PTGIS: variants seen among roughly 807,000 people sequenced by gnomAD.
PTGIS encodes the protein prostacyclin synthase.
PTGIS carries 45 observed loss-of-function variants against 50.3 expected under a neutral mutation model. The observed-to-expected ratio is 0.90, with a 90% CI of 0.70 to 1.15. The LOEUF (loss-of-function observed/expected upper bound fraction) is 1.15, where lower values mean the gene tolerates loss of function less well. Among genes scored for constraint, PTGIS ranks in the 50% most tolerant of loss-of-function variants. The pLI is 0.00. For missense variants in PTGIS, 668 were observed against 661.3 expected, an observed-to-expected ratio of 1.01 and a Z score of -0.11; for synonymous variants, 260 against 267.7, an observed-to-expected ratio of 0.97 and a Z score of 0.28.
chr20:49,562,240 T>C (rs573179844), intron 1 of PTGIS, among the ~76,000 whole-genome samples: 2 of 152,314 alleles, frequency 1.3e-5, no homozygotes, highest in East Asian at 3.9e-4. Context: ...CCTACTCAAA[T>C]GCAGGCCCTG....
intron 1 of PTGIS, among the ~76,000 whole-genome samples, chr20:49,561,048 C>T (rs951864954): frequency 2.0e-5 from 3 of 152,132 alleles, no homozygotes; most frequent in Non-Finnish European, 4.4e-5. Flanking sequence ...CCATGGTCCC[C>T]GGGGAGCCAG....
intron 6 of PTGIS, among the ~76,000 whole-genome samples, chr20:49,519,297 G>A (rs1023047999): frequency 6.6e-6 from 1 of 152,128 alleles, no homozygotes; most frequent in African/African-American, 2.4e-5. Flanking sequence ...GGAAGCTGTT[G>A]TGAGGATCCT....
intron 1 of PTGIS, among the ~76,000 whole-genome samples, chr20:49,562,402 G>T (rs1982798733): frequency 6.6e-6 from 1 of 152,136 alleles, no homozygotes; most frequent in Non-Finnish European, 1.5e-5. Flanking sequence ...GCAGACAAAG[G>T]CAGGAAGCCC....
At chr20:49,541,613 C>T (rs892273822) in intron 4 of PTGIS, among the ~76,000 whole-genome samples, 1 of 152,086 alleles carries the variant, frequency 6.6e-6, no homozygotes, top group Non-Finnish European at 1.5e-5. Flanking sequence ...CACCTGTAGT[C>T]CCAGCTACTC....
rs186654308 is a variant in PTGIS, at chr20:49,561,302, C to A, written c.74+6741G>T. Among the ~76,000 whole-genome samples the A allele has an allele frequency of 7.2e-5, 11 of 152,266 alleles. No individual in the cohort carries two copies. The East Asian group carries it at 1.5e-3, about 21-fold the overall frequency. On this transcript the variant is annotated intron_variant, in intron 1 of 9. Transcript: ENST00000244043. The stretch of plus-strand genomic sequence containing the variant: ...AGGCTGGGAAGGATGGGAGCAGAAG[C>A]AAAGATGAAATTTGAGGGCCTAGGA...
Position 49,532,292 on chromosome 20 carries a change from T to C in PTGIS, c.673+7278A>G, listed in dbSNP as rs17194464. On this transcript the variant is annotated intron_variant, in intron 5 of 9. Transcript: ENST00000244043. ...TATTTGTCTATGTACAGCACTGTTC[T>C]AGAAGGATAACAGCAAACAGATAGC... Among the ~76,000 whole-genome samples, 191 of 152,360 alleles carry C rather than the reference T, an allele frequency of 1.3e-3. 3 individuals carry two copies. The South Asian group carries it at 0.026, about 21-fold the overall frequency.
intron 6 of PTGIS, among the ~76,000 whole-genome samples, chr20:49,522,606 G>A (rs1424818374): frequency 6.6e-6 from 1 of 152,116 alleles, no homozygotes; most frequent in African/African-American, 2.4e-5. Flanking sequence ...GGGACTACAG[G>A]TGCACACTAC....
chr20:49,536,504 G>A (rs1356343778), intron 5 of PTGIS, among the ~76,000 whole-genome samples: 3 of 109,016 alleles, frequency 2.8e-5, no homozygotes, highest in East Asian at 5.2e-4. Context: ...TTTTTGAGAC[G>A]GAGTCTCACT....
intron 2 of PTGIS, 38 bp from the exon 3 acceptor site, chr20:49,548,057 C>T (rs1294558848): frequency 6.3e-7 from 1 of 1,594,796 alleles, no homozygotes; most frequent in South Asian, 1.1e-5. Flanking sequence ...AGGAGTGTCA[C>T]TGTGAACAGC....
At chr20:49,562,774 G>A (rs570731933) in intron 1 of PTGIS, among the ~76,000 whole-genome samples, 11 of 152,276 alleles carry the variant, frequency 7.2e-5, no homozygotes, top group South Asian at 2.1e-4. Context: ...GACCCCTGTC[G>A]CCTGCCCTGG....
chr20:49,550,895 T>C (rs1180155461), intron 1 of PTGIS, among the ~76,000 whole-genome samples: 1 of 152,214 alleles, frequency 6.6e-6, no homozygotes, highest in Non-Finnish European at 1.5e-5. Flanking sequence ...GAAGTTTTTT[T>C]TCCTGCTTTG....
rs117010747 is a variant in PTGIS, at chr20:49,551,254, G to A, written c.75-1065C>T. ...ACCTGAAAGACTGGTTCAGGCCGTG[G>A]TGGGAAGTGGGGGTCAGACATGACT... is the stretch of plus-strand genomic sequence containing the variant. On this transcript the variant is annotated intron_variant, in intron 1 of 9. Transcript: ENST00000244043. 6.7e-3 allele frequency among the ~76,000 whole-genome samples: 1,018 copies of A among 152,246 alleles called. 5 individuals are homozygous for A. Among genetic ancestry groups the A allele is most frequent in the South Asian group, 0.057 (276 of 4,820 alleles).
intron 6 of PTGIS, among the ~76,000 whole-genome samples, chr20:49,522,123 C>T (rs754948329): frequency 1.3e-5 from 2 of 152,094 alleles, no homozygotes; most frequent in East Asian, 1.9e-4. Flanking sequence ...CCTCTTCCCT[C>T]GGTCTCACGC....
At position 49,505,669 on chromosome 20, in the gene PTGIS, A is replaced by T. The variant is rs1981132888; in HGVS notation, c.*2251T>A. On this transcript the variant is annotated 3_prime_UTR_variant, in exon 10 of 10. Coordinates refer to ENST00000244043, the MANE Select transcript of PTGIS (RefSeq NM_000961.4). ...GGCTTGCTTCCTTCCCTTCCCAGCC[A>T]CGATGAGGCAGCTGAGGGTTGCCAC... is the stretch of plus-strand genomic sequence containing the variant. 2 of 152,650 alleles carry T rather than the reference A, an allele frequency of 1.3e-5. No individual in the cohort carries two copies. Among genetic ancestry groups the T allele is most frequent in the African/African-American group, 4.8e-5 (2 of 41,418 alleles). 9.5% of individuals were successfully genotyped at this position (152,650 alleles called of 1,614,324 possible).
At chr20:49,517,394 T>C (rs1981514021) in intron 6 of PTGIS, among the ~76,000 whole-genome samples, 1 of 152,134 alleles carries the variant, frequency 6.6e-6, no homozygotes, top group African/African-American at 2.4e-5. Context: ...GAAAAAGCTG[T>C]GGCAAGTTAG....
intron 4 of PTGIS, among the ~76,000 whole-genome samples, chr20:49,541,009 G>A (rs953178651): frequency 5.9e-5 from 9 of 152,188 alleles, no homozygotes; most frequent in African/African-American, 1.7e-4. Flanking sequence ...GGCCTGCGTG[G>A]TCCCTGCTCT....
intron 3 of PTGIS, among the ~76,000 whole-genome samples, chr20:49,545,742 T>C (rs1056425241): frequency 6.6e-5 from 10 of 152,164 alleles, no homozygotes; most frequent in Admixed American, 5.2e-4. Context: ...GGGGTGTCCA[T>C]GGGCGGTGCA....
intron 5 of PTGIS, among the ~76,000 whole-genome samples, chr20:49,534,804 G>A (rs977067617): frequency 2.0e-5 from 3 of 152,050 alleles, no homozygotes; most frequent in Admixed American, 6.6e-5. Flanking sequence ...ACAAACAGCC[G>A]GCTCATAAAC....
intron 6 of PTGIS, among the ~76,000 whole-genome samples, chr20:49,515,135 A>AAT (rs1204606400): frequency 6.6e-6 from 1 of 152,220 alleles, no homozygotes; most frequent in Non-Finnish European, 1.5e-5. Context: ...TTTGCTTCCA[A>AAT]ATATAATCAT....
Sources: allele counts gnomAD v4.1 joint callset (sites outside exome capture counted in the v4.1 genomes callset), GRCh38; gene constraint gnomAD v4.1.1; transcripts MANE v1.5; gene names NCBI Gene and HGNC (gene_info 2026-07-23, HGNC 2026-07-21).